The following LGR5 variants were observed in gnomAD, a reference collection of about 807,000 sequenced individuals.
The protein encoded by LGR5 is leucine-rich repeat-containing G protein-coupled receptor 5.
LGR5 carries 54 observed loss-of-function variants against 76.7 expected under a neutral mutation model. That is an observed-to-expected ratio of 0.70 (90% CI 0.57 to 0.88). The LOEUF is 0.88. Among genes scored for constraint, LGR5 ranks in the 40% least tolerant of loss-of-function variants. The probability of loss-of-function intolerance (pLI) is 0.00; values close to 1 mark genes in which losing one functional copy is unlikely to be tolerated. For missense variants in LGR5, 1,078 were observed against 1,073.3 expected (o/e 1.00, Z -0.06); for synonymous variants, 406 against 421.9 (o/e 0.96, Z 0.46).
At position 71,584,701 on chromosome 12, in the gene LGR5, T is replaced by C. The variant is rs767945108; in HGVS notation, c.2691T>C (p.His897=). 1.2e-6 allele frequency: 2 copies of C among 1,612,846 alleles called. No homozygotes were observed. The highest frequency in any genetic ancestry group is 1.7e-6 in the Non-Finnish European group (2 of 1,178,900). Residue 897 remains histidine, a synonymous_variant, in exon 18 of 18, where the codon CAT becomes CAC. Coordinates refer to ENST00000266674, the MANE Select transcript of LGR5 (RefSeq NM_003667.4). ...SPAYPVTESC[H]LSSVAFVPCL is the part of the protein sequence containing the mutation. Reference sequence around the variant, plus strand: ...CTTATCCAGTGACTGAGAGCTGCCATCTTTCCTCTGTGGCATTTGTCCCAT... The same window carrying C: ...CTTATCCAGTGACTGAGAGCTGCCACCTTTCCTCTGTGGCATTTGTCCCAT...
intron 8 of LGR5, among the ~76,000 whole-genome samples, chr12:71,564,825 C>G (rs1418197057): frequency 6.8e-6 from 1 of 147,954 alleles, no homozygotes; most frequent in Non-Finnish European, 1.5e-5. Flanking sequence ...TATAGATACA[C>G]ATATATGTAC....
chr12:71,531,429 G>A (rs1014412090), intron 3 of LGR5, among the ~76,000 whole-genome samples: 14 of 152,174 alleles, frequency 9.2e-5, no homozygotes, highest in African/African-American at 3.4e-4. Context: ...TTTGTCATTT[G>A]AAAGTAATTA....
At chr12:71,471,778 GCCCCCACCACAA>G (rs1873115033) in intron 1 of LGR5, among the ~76,000 whole-genome samples, 1 of 151,850 alleles carries the variant, frequency 6.6e-6, no homozygotes, top group Non-Finnish European at 1.5e-5. Context: ...AGTAATAACA[GCCCCCACCACAA>G]AGGATCATTA....
intron 1 of LGR5, among the ~76,000 whole-genome samples, chr12:71,482,381 C>T (rs1873646613): frequency 6.6e-6 from 1 of 152,140 alleles, no homozygotes; most frequent in South Asian, 2.1e-4. Context: ...AAGGCTCTCT[C>T]CTTGGCTTGT....
intron 4 of LGR5, among the ~76,000 whole-genome samples, chr12:71,542,930 A>G (rs1876959069): frequency 6.6e-6 from 1 of 152,138 alleles, no homozygotes; most frequent in African/African-American, 2.4e-5. Flanking sequence ...TTCACCTAAC[A>G]CTTCATTATA....
chr12:71,442,068 G>A (rs1871792573), intron 1 of LGR5, among the ~76,000 whole-genome samples: 2 of 152,176 alleles, frequency 1.3e-5, no homozygotes, highest in Non-Finnish European at 2.9e-5. Flanking sequence ...CAAGGGAGGT[G>A]TGCAGTACCC....
chr12:71,580,813 AG>A (rs922147964), intron 16 of LGR5, among the ~76,000 whole-genome samples: 1 of 152,148 alleles, frequency 6.6e-6, no homozygotes, highest in African/African-American at 2.4e-5. Flanking sequence ...TCAAAAAAAA[AG>A]GAAAAAAAAT....
intron 13 of LGR5, among the ~76,000 whole-genome samples, chr12:71,573,575 TA>T: frequency 6.6e-6 from 1 of 152,346 alleles, no homozygotes; most frequent in African/African-American, 2.4e-5. Context: ...AAATAACAGT[TA>T]AAACTTTTCT....
At chr12:71,540,727 A>G (rs1219068002) in intron 4 of LGR5, among the ~76,000 whole-genome samples, 1 of 152,200 alleles carries the variant, frequency 6.6e-6, no homozygotes, top group Admixed American at 6.5e-5. Context: ...GTTTTCTCCC[A>G]TTAATATCCA....
At position 71,508,432 on chromosome 12, in the gene LGR5, A is replaced by G. The variant is rs147115228; in HGVS notation, c.284+3747A>G. On this transcript the variant is annotated intron_variant, in intron 2 of 17. Coordinates refer to ENST00000266674, the MANE Select transcript of LGR5 (RefSeq NM_003667.4). ...ATCCTGTAAGAATCAATAAAGCGCT[A>G]GAGATATACACTGACTTAATGTTTA... Among the ~76,000 whole-genome samples the G allele has an allele frequency of 1.6e-3, 242 of 152,206 alleles. 1 individual carries two copies. Among genetic ancestry groups the G allele is most frequent in the African/African-American group, 5.5e-3 (230 of 41,530 alleles).
At chr12:71,562,940 G>A (rs1878131747) in intron 8 of LGR5, among the ~76,000 whole-genome samples, 1 of 152,112 alleles carries the variant, frequency 6.6e-6, no homozygotes, top group South Asian at 2.1e-4. Flanking sequence ...AAATGTTCTG[G>A]CAATATTTTG....
At chr12:71,519,190 ACT>A (rs1417839379) in intron 2 of LGR5, among the ~76,000 whole-genome samples, 1 of 151,708 alleles carries the variant, frequency 6.6e-6, no homozygotes, top group East Asian at 1.9e-4. Context: ...CACACCAGGC[ACT>A]CTCTACCTCA....
chr12:71,571,333 A>G, intron 11 of LGR5, 181 bp from the exon 12 acceptor site: 3 of 463,306 alleles, frequency 6.5e-6, no homozygotes, highest in Non-Finnish European at 1.1e-5. Context: ...TTCAGTAAAC[A>G]TTTGAATCTA....
chr12:71,512,438 C>G (rs551409366), intron 2 of LGR5, among the ~76,000 whole-genome samples: 1 of 152,228 alleles, frequency 6.6e-6, no homozygotes, highest in East Asian at 1.9e-4. Context: ...CAAAGTATCC[C>G]ATCCTTGAAT....
chr12:71,444,873 A>C (rs1355417763), intron 1 of LGR5, among the ~76,000 whole-genome samples: 1 of 152,330 alleles, frequency 6.6e-6, no homozygotes, highest in East Asian at 1.9e-4. Context: ...TAAAGCTATC[A>C]AAATTAAAGA....
chr12:71,539,357 TG>T (rs1410120082), intron 4 of LGR5, among the ~76,000 whole-genome samples: 6 of 152,232 alleles, frequency 3.9e-5, no homozygotes, highest in African/African-American at 1.4e-4. Context: ...TTGGTAACAT[TG>T]CTGTCAGGAA....
chr12:71,517,604 G>A (rs1231491948), intron 2 of LGR5, among the ~76,000 whole-genome samples: 2 of 152,202 alleles, frequency 1.3e-5, no homozygotes, highest in Non-Finnish European at 2.9e-5. Context: ...CCTAGTTGAA[G>A]GCTATGTTTT....
At chr12:71,530,515 A>G (rs934161155) in intron 3 of LGR5, among the ~76,000 whole-genome samples, 9 of 152,244 alleles carry the variant, frequency 5.9e-5, no homozygotes, top group Admixed American at 2.6e-4. Context: ...TGAAGACAGC[A>G]GCAGCCATCC....
chr12:71,499,034 C>T (rs374519358), intron 1 of LGR5, among the ~76,000 whole-genome samples: 1 of 152,194 alleles, frequency 6.6e-6, no homozygotes, highest in East Asian at 1.9e-4. Context: ...AGTCACCGAT[C>T]TGCACATTTA....
Sources: gnomAD v4.1 joint callset for allele counts (sites outside exome capture counted in the v4.1 genomes callset) on GRCh38, gnomAD v4.1.1 for gene constraint, MANE v1.5 for transcripts, NCBI Gene and HGNC (gene_info 2026-07-23, HGNC 2026-07-21) for gene names.